DCC: variants seen among roughly 807,000 people sequenced by gnomAD.
The protein encoded by DCC is DCC netrin 1 receptor, also known as netrin receptor DCC.
Under a neutral mutation model 172.5 loss-of-function variants are expected in DCC, and 58 were observed. The ratio of observed to expected loss-of-function variants is 0.34; its 90% CI spans 0.27 to 0.42. DCC has a LOEUF of 0.42. Among genes scored for constraint, DCC ranks in the 10% least tolerant of loss-of-function variants. The pLI, the probability that DCC is intolerant of heterozygous loss-of-function variation, is 1.00. For missense variants in DCC, 1,740 were observed against 1,791.0 expected (o/e 0.97, Z 0.51); for synonymous variants, 709 against 644.5 (o/e 1.10, Z -1.52).
chr18:53,280,405 G>A (rs2056857232), intron 12 of DCC, among the ~76,000 whole-genome samples: 1 of 152,110 alleles, frequency 6.6e-6, no homozygotes, highest in Non-Finnish European at 1.5e-5. Context: ...ATGTCATGAA[G>A]TTACTGAAAA....
chr18:52,514,747 C>T (rs995745462), intron 1 of DCC, among the ~76,000 whole-genome samples: 2 of 152,158 alleles, frequency 1.3e-5, no homozygotes, highest in Non-Finnish European at 2.9e-5. Flanking sequence ...CATTACCATT[C>T]AAATGGGAAA....
chr18:53,045,129 G>A (rs1334212251), intron 5 of DCC, among the ~76,000 whole-genome samples: 1 of 151,852 alleles, frequency 6.6e-6, no homozygotes, highest in East Asian at 1.9e-4. Flanking sequence ...TTTCTAACAA[G>A]CTTTCCTTTA....
intron 5 of DCC, among the ~76,000 whole-genome samples, chr18:53,003,915 T>G (rs1239729829): frequency 1.3e-5 from 2 of 152,122 alleles, no homozygotes; most frequent in Non-Finnish European, 2.9e-5. Flanking sequence ...GTCTACAAGG[T>G]GTATCAGGCT....
At chr18:52,543,209 T>C (rs1235855847) in intron 1 of DCC, among the ~76,000 whole-genome samples, 3 of 152,170 alleles carry the variant, frequency 2.0e-5, no homozygotes, top group Non-Finnish European at 4.4e-5. Flanking sequence ...AATAACCATA[T>C]TCAAAAAGTA....
intron 1 of DCC, among the ~76,000 whole-genome samples, chr18:52,726,442 A>T (rs1333110350): frequency 6.6e-6 from 1 of 152,066 alleles, no homozygotes; most frequent in African/African-American, 2.4e-5. Flanking sequence ...GCATCATCTC[A>T]CACTTTTTCT....
chr18:53,294,773 G>A (rs1598992739), intron 12 of DCC, among the ~76,000 whole-genome samples: 1 of 152,272 alleles, frequency 6.6e-6, no homozygotes. Context: ...TCCCAGGTTG[G>A]CTTACGTTTT....
At chr18:52,799,548 T>C (rs886176915) in intron 2 of DCC, among the ~76,000 whole-genome samples, 3 of 152,228 alleles carry the variant, frequency 2.0e-5, no homozygotes, top group Non-Finnish European at 2.9e-5. Context: ...ATGTTCATAA[T>C]CATGATAGGC....
intron 7 of DCC, among the ~76,000 whole-genome samples, chr18:53,139,145 G>A (rs187124146): frequency 2.2e-3 from 329 of 152,246 alleles, no homozygotes; most frequent in Non-Finnish European, 3.6e-3. Flanking sequence ...CAGTTACACA[G>A]CGATCACTCA....
At chr18:52,738,608 T>C (rs763201694) in intron 1 of DCC, among the ~76,000 whole-genome samples, 4 of 152,202 alleles carry the variant, frequency 2.6e-5, no homozygotes, top group South Asian at 4.1e-4. Context: ...GTACTTACTA[T>C]AGACTTCATA....
intron 2 of DCC, among the ~76,000 whole-genome samples, chr18:52,833,837 A>T (rs937545091): frequency 6.6e-5 from 10 of 151,832 alleles, no homozygotes; most frequent in East Asian, 3.9e-4. Context: ...ATTAAAAAAA[A>T]TTTTTTTGTA....
chr18:52,881,130 A>G (rs1374600317), intron 2 of DCC, among the ~76,000 whole-genome samples: 1 of 152,120 alleles, frequency 6.6e-6, no homozygotes, highest in Non-Finnish European at 1.5e-5. Context: ...GCACTTTTTC[A>G]TATGCCTCTT....
intron 7 of DCC, among the ~76,000 whole-genome samples, chr18:53,069,048 G>A (rs9947923): frequency 2.6e-5 from 4 of 151,804 alleles, no homozygotes; most frequent in Non-Finnish European, 4.4e-5. Flanking sequence ...CCCCCAGACC[G>A]AGGGCTTATA....
At chr18:52,497,280 A>AAAAAATATAT (rs1555689730) in intron 1 of DCC, among the ~76,000 whole-genome samples, 5 of 21,570 alleles carry the variant, frequency 2.3e-4, no homozygotes, top group Admixed American at 6.3e-4. Flanking sequence ...AAAAAAAAAA[A>AAAAAATATAT]ATATATATAT....
intron 7 of DCC, among the ~76,000 whole-genome samples, chr18:53,140,968 A>G (rs1598842637): frequency 6.6e-6 from 1 of 152,204 alleles, no homozygotes; most frequent in African/African-American, 2.4e-5. Flanking sequence ...ACTCAGCGAG[A>G]AATTTAATGG....
chr18:52,869,296 C>T (rs545650485), intron 2 of DCC, among the ~76,000 whole-genome samples: 1 of 152,308 alleles, frequency 6.6e-6, no homozygotes, highest in East Asian at 1.9e-4. Context: ...TAGGCAGCTC[C>T]TCTTTGTAGC....
rs148234207 is a variant in DCC, at chr18:52,884,965, A to G, written c.413-21079A>G. ...TTAATCTGAAAAACTTCTCTGGGTT[A>G]CCATGCAGAAACTCTCATTCATTTT... On this transcript the variant is annotated intron_variant, in intron 2 of 28. Transcript: ENST00000442544. Among the ~76,000 whole-genome samples, 43 of 152,270 alleles carry G rather than the reference A, an allele frequency of 2.8e-4. No individual in the cohort carries two copies. The Middle Eastern group carries it at 0.02, about 72-fold the overall frequency.
intron 2 of DCC, among the ~76,000 whole-genome samples, chr18:52,872,051 C>G (rs2145385181): frequency 6.6e-6 from 1 of 152,256 alleles, no homozygotes; most frequent in South Asian, 2.1e-4. Flanking sequence ...CCTTTGCCCT[C>G]TGAAGTTTCA....
intron 25 of DCC, among the ~76,000 whole-genome samples, chr18:53,470,816 G>A (rs1046518862): frequency 3.3e-5 from 5 of 152,092 alleles, no homozygotes; most frequent in Admixed American, 1.3e-4. Context: ...ATCATGGGGG[G>A]AACTGCCCCA....
At chr18:52,718,324 GA>G (rs1231545069) in intron 1 of DCC, among the ~76,000 whole-genome samples, 1 of 152,174 alleles carries the variant, frequency 6.6e-6, no homozygotes, top group Non-Finnish European at 1.5e-5. Context: ...TTTGGGCAGA[GA>G]TAATTGAATA....
Sources: gnomAD v4.1 joint callset for allele counts (sites outside exome capture counted in the v4.1 genomes callset) on GRCh38, gnomAD v4.1.1 for gene constraint, MANE v1.5 for transcripts, NCBI Gene and HGNC (gene_info 2026-07-23, HGNC 2026-07-21) for gene names.